The following CFAP46 variants were observed in gnomAD, a reference collection of about 807,000 sequenced individuals.
CFAP46 encodes the protein cilia- and flagella-associated protein 46.
CFAP46 carries 245 observed loss-of-function variants against 325.7 expected under a neutral mutation model. The ratio of observed to expected loss-of-function variants is 0.75; its 90% CI spans 0.68 to 0.84. The LOEUF is 0.84. Among genes scored for constraint, CFAP46 ranks in the 40% least tolerant of loss-of-function variants. The pLI, the probability that CFAP46 is intolerant of heterozygous loss-of-function variation, is 0.00. For missense variants in CFAP46, 3,346 were observed against 3,543.0 expected (o/e 0.94, Z 1.41); for synonymous variants, 1,523 against 1,495.9 (o/e 1.02, Z -0.42).
Position 132,812,785 on chromosome 10 carries a change from C to CTT in CFAP46, c.7499_7500dup (p.Glu2501LysfsTer18). The CTT allele has an allele frequency of 6.2e-7, 1 of 1,610,390 alleles. No homozygotes were observed. On this transcript the variant is annotated frameshift_variant and splice_region_variant, in exon 55 of 58. Coordinates refer to ENST00000368586, the MANE Select transcript of CFAP46 (RefSeq NM_001200049.3). LOFTEE classifies it high-confidence loss of function. ...GGGGTGCTGAGAGGACACCTCTCAC[C>CTT]TTGCAAGTTCATGGCGACCAATCTC...
intron 41 of CFAP46, among the ~76,000 whole-genome samples, chr10:132,849,671 G>A (rs769658160): frequency 6.6e-5 from 10 of 152,148 alleles, no homozygotes; most frequent in Admixed American, 1.3e-4. Context: ...GCCCTGGGCT[G>A]AGAGTGAAGA....
chr10:132,899,750 G>A, intron 22 of CFAP46, 84 bp from the exon 23 acceptor site: 1 of 1,418,982 alleles, frequency 7.0e-7, no homozygotes. Flanking sequence ...TTGAACTGTG[G>A]ACTACACAGG....
At chr10:132,833,946 C>A (rs998378613) in intron 49 of CFAP46, 95 bp downstream of exon 49, 7 of 1,155,290 alleles carry the variant, frequency 6.1e-6, no homozygotes, top group East Asian at 4.7e-5. Context: ...TTCCTGACCC[C>A]CCCTGGCGTT....
chr10:132,885,416 C>T (rs970702495), intron 26 of CFAP46, 130 bp from the exon 27 acceptor site: 7 of 656,204 alleles, frequency 1.1e-5, no homozygotes, highest in African/African-American at 4.0e-5. Context: ...CCCAGGTGAG[C>T]GGGGGTCTCG....
rs1165109300 is a variant in CFAP46, at chr10:132,919,839, G to A, written c.1730+220C>T. Among the ~76,000 whole-genome samples, 1 of 152,136 alleles carries A rather than the reference G, an allele frequency of 6.6e-6. No homozygotes were observed. Among genetic ancestry groups the A allele is most frequent in the Admixed American group, 6.5e-5 (1 of 15,286 alleles). On this transcript the variant is annotated intron_variant, in intron 14 of 57. Transcript: ENST00000368586. This position sits in a 1 kb window ranked among gnomAD's most constrained non-coding sequence, Gnocchi z 9.7. Reference sequence around the variant, plus strand: ...CAGTGACAGGCGGGACAGGGCAGCCGCACACCTCATAGGCCGTGGCTGTCA... The same window carrying A: ...CAGTGACAGGCGGGACAGGGCAGCCACACACCTCATAGGCCGTGGCTGTCA...
intron 22 of CFAP46, among the ~76,000 whole-genome samples, chr10:132,902,360 A>G (rs1849403278): frequency 2.2e-5 from 3 of 133,948 alleles, no homozygotes; most frequent in Non-Finnish European, 4.7e-5. Flanking sequence ...TTCGGTTTTC[A>G]TAGTCCACTG....
intron 29 of CFAP46, among the ~76,000 whole-genome samples, chr10:132,879,021 G>C (rs555072036): frequency 2.0e-5 from 3 of 152,162 alleles, no homozygotes; most frequent in Non-Finnish European, 2.9e-5. Context: ...AGGAGCTGTC[G>C]GGCCCCAGCT....
At chr10:132,913,420 C>T (rs906571883) in intron 17 of CFAP46, among the ~76,000 whole-genome samples, 162 bp from the exon 18 acceptor site, 2 of 152,188 alleles carry the variant, frequency 1.3e-5, no homozygotes, top group African/African-American at 2.4e-5. Context: ...GTCGCCCCGC[C>T]GCTGGCACTC....
chr10:132,940,385 T>C (rs534332876), intron 4 of CFAP46, among the ~76,000 whole-genome samples: 1 of 152,084 alleles, frequency 6.6e-6, no homozygotes, highest in East Asian at 2.0e-4. Context: ...GCTTAACAGT[T>C]TGAAGCATGA....
At chr10:132,906,089 C>T (rs966672881) in intron 22 of CFAP46, among the ~76,000 whole-genome samples, 4 of 152,236 alleles carry the variant, frequency 2.6e-5, no homozygotes, top group South Asian at 2.1e-4. Flanking sequence ...GTGAAAAGCC[C>T]GTCGATGTTG....
At position 132,833,352 on chromosome 10, in the gene CFAP46, TCCTA is replaced by T; in HGVS notation, c.7117+2_7117+5del. On this transcript the variant is annotated splice_donor_variant and splice_donor_5th_base_variant and intron_variant, in intron 50 of 57. Coordinates refer to ENST00000368586, the MANE Select transcript of CFAP46 (RefSeq NM_001200049.3). LOFTEE classifies it high-confidence loss of function. ...ACACATTAAGGTGGCTGAGGGCAGT[TCCTA>T]CCTGTCTCTTCTTTATGGAGGCGAT... is the stretch of plus-strand genomic sequence containing the variant. The T allele has an allele frequency of 6.2e-7, 1 of 1,612,966 alleles. No individual in the cohort carries two copies. Among genetic ancestry groups the T allele is most frequent in the Non-Finnish European group, 8.5e-7 (1 of 1,179,176 alleles).
chr10:132,922,628 G>T lies in CFAP46; in HGVS notation c.1337C>A (p.Thr446Lys). 6.5e-7 allele frequency: 1 copy of T among 1,549,768 alleles called. No individual in the cohort carries two copies. Among genetic ancestry groups the T allele is most frequent in the Non-Finnish European group, 8.7e-7 (1 of 1,146,840 alleles). The change falls in exon 12 of 58, where the codon ACG (threonine) becomes AAG (lysine). Residue 446 changes from threonine to lysine, a missense_variant. Thr to Lys is a moderately conservative substitution (Grantham distance 78, BLOSUM62 -1). Coordinates refer to ENST00000368586, the MANE Select transcript of CFAP46 (RefSeq NM_001200049.3). ...GCGCGCGGCTTTCCGGAGGTGCTCC[G>T]TGGCGGGCTCCAGCCGGTCCTCGTC... is the stretch of plus-strand genomic sequence containing the variant. ...EEDEDRLEPA[T>K]EHLRKAARLD...
intron 50 of CFAP46, among the ~76,000 whole-genome samples, chr10:132,818,201 C>T (rs921126694): frequency 7.9e-5 from 12 of 152,116 alleles, no homozygotes; most frequent in Non-Finnish European, 5.9e-5. Flanking sequence ...GTGGCCGCGC[C>T]GGGCAGTGGG....
intron 31 of CFAP46, among the ~76,000 whole-genome samples, chr10:132,875,947 G>A (rs1848952276): frequency 6.6e-6 from 1 of 152,216 alleles, no homozygotes; most frequent in African/African-American, 2.4e-5. Context: ...GGCACAAAGT[G>A]GAGGCAGATC....
In CFAP46 at chr10:132,834,680, G is replaced by A. The variant is rs745700949; in HGVS notation, c.6840C>T (p.Phe2280=). The change falls in exon 48 of 58, where the codon TTC becomes TTT. Residue 2280 remains phenylalanine (F), a synonymous_variant. Coordinates refer to ENST00000368586, the MANE Select transcript of CFAP46 (RefSeq NM_001200049.3). ...TGGCCTTGGAGAGGCTGAGCAGGGG[G>A]AATAGCGGCTGCAGAAGCTCCTCCA... The part of the protein sequence containing the change: ...GPLEELLQPL[F]PLLSLSKARV... 9 of 1,613,226 alleles carry A rather than the reference G, an allele frequency of 5.6e-6. No individual in the cohort carries two copies. In the South Asian group the frequency reaches 6.6e-5, roughly 12 times the overall value.
At chr10:132,834,251 G>T in intron 48 of CFAP46, 128 bp from the exon 49 acceptor site, 1 of 867,226 alleles carries the variant, frequency 1.2e-6, no homozygotes, top group Non-Finnish European at 1.8e-6. Context: ...TCACTTCTGG[G>T]GATGGTCCCA....
intron 50 of CFAP46, among the ~76,000 whole-genome samples, chr10:132,821,996 T>C (rs1847853922): frequency 7.1e-6 from 1 of 140,178 alleles, no homozygotes; most frequent in Non-Finnish European, 1.5e-5. Flanking sequence ...TGTGCGCTTG[T>C]GTGTGCTGTG....
chr10:132,845,430 T>C (rs1298728187), intron 44 of CFAP46, among the ~76,000 whole-genome samples: 2 of 152,134 alleles, frequency 1.3e-5, no homozygotes, highest in African/African-American at 4.8e-5. Flanking sequence ...CAGCAAAGCA[T>C]TGTCCACCAA....
Position 132,859,296 on chromosome 10 carries a change from G to C in CFAP46, c.5199-49C>G, listed in dbSNP as rs1406542324. 4 of 1,483,928 alleles carry C rather than the reference G, an allele frequency of 2.7e-6. No homozygotes were observed. In the South Asian group the frequency reaches 5.1e-5, roughly 19 times the overall value. The allele number at this position is 1,483,928 out of a possible 1,614,324, so 91.9% of individuals were successfully genotyped here. ...CTGGAGTCAGAAGCCCCAGGGCCGC[G>C]TCAGGGCTTGCGGCTGGGCTGCCGC... is the stretch of plus-strand genomic sequence containing the variant. On this transcript the variant is annotated intron_variant, in intron 37 of 57. Transcript: ENST00000368586.
Sources: allele counts gnomAD v4.1 joint callset (sites outside exome capture counted in the v4.1 genomes callset), GRCh38; gene constraint gnomAD v4.1.1; non-coding constraint Gnocchi (gnomAD v3.1); transcripts MANE v1.5; gene names NCBI Gene and HGNC (gene_info 2026-07-23, HGNC 2026-07-21).